Variants in SCN8A observed in about 807,000 individuals in gnomAD.
SCN8A encodes sodium channel protein type 8 subunit alpha.
A neutral mutation model predicts 184.1 loss-of-function variants in SCN8A; 30 were observed. That is an observed-to-expected ratio of 0.16 (90% CI 0.12 to 0.22). The LOEUF is 0.22. Ranked by LOEUF, SCN8A falls within the 10% of genes least tolerant of loss-of-function variation. The pLI, the probability that SCN8A is intolerant of heterozygous loss-of-function variation, is 1.00. For missense variants in SCN8A, 1,057 were observed against 2,498.9 expected (o/e 0.42, Z 12.30); for synonymous variants, 852 against 907.0 (o/e 0.94, Z 1.09).
chr12:51,767,873 A>G (rs1299854179), intron 16 of SCN8A, among the ~76,000 whole-genome samples: 2 of 152,158 alleles, frequency 1.3e-5, no homozygotes, highest in African/African-American at 4.8e-5. Flanking sequence ...CTCTGTCATC[A>G]TCTGTGACTC....
intron 13 of SCN8A, among the ~76,000 whole-genome samples, chr12:51,749,170 T>G (rs558103002): frequency 3.7e-4 from 57 of 152,338 alleles, no homozygotes; most frequent in Non-Finnish European, 7.1e-4. Context: ...TGATCTTTTC[T>G]AGCTCCTGAA....
chr12:51,759,249 A>G (rs1193944580), intron 14 of SCN8A, among the ~76,000 whole-genome samples: 7 of 151,716 alleles, frequency 4.6e-5, no homozygotes, highest in South Asian at 2.1e-4. Context: ...AAATATATAT[A>G]TAAGGCCTAG....
At chr12:51,602,237 G>A (rs1158640898) in intron 1 of SCN8A, among the ~76,000 whole-genome samples, 1 of 152,098 alleles carries the variant, frequency 6.6e-6, no homozygotes, top group African/African-American at 2.4e-5. Context: ...GAATTACCCT[G>A]ATCTGATCAC....
At chr12:51,630,115 A>G (rs112047089) in intron 1 of SCN8A, among the ~76,000 whole-genome samples, 4 of 152,312 alleles carry the variant, frequency 2.6e-5, no homozygotes, top group East Asian at 1.9e-4. Context: ...TAAAATATAC[A>G]TAATATAAAA....
At chr12:51,779,365 T>C (rs1373099345) in intron 20 of SCN8A, among the ~76,000 whole-genome samples, 1 of 152,170 alleles carries the variant, frequency 6.6e-6, no homozygotes, top group Non-Finnish European at 1.5e-5. Context: ...TAGCATGGTG[T>C]TGAGAAAGCA....
intron 24 of SCN8A, 89 bp from the exon 25 acceptor site, chr12:51,790,309 C>T (rs1209824483): frequency 4.8e-6 from 4 of 825,846 alleles, no homozygotes; most frequent in Non-Finnish European, 7.6e-6. Context: ...ATAGGTCTCC[C>T]CTCAGTTCTC....
chr12:51,641,521 T>C (rs530805365), intron 1 of SCN8A, among the ~76,000 whole-genome samples: 125 of 152,264 alleles, frequency 8.2e-4, no homozygotes, highest in Non-Finnish European at 1.6e-3. Context: ...AGCAAGTTAC[T>C]TAACCTTTGT....
chr12:51,698,858 T>G (rs1423130972), intron 6 of SCN8A, among the ~76,000 whole-genome samples: 1 of 152,214 alleles, frequency 6.6e-6, no homozygotes, highest in Non-Finnish European at 1.5e-5. Context: ...GGGAAAATAT[T>G]ATTGTACCTT....
intron 2 of SCN8A, among the ~76,000 whole-genome samples, chr12:51,668,998 A>G (rs537460327): frequency 1.2e-4 from 19 of 152,308 alleles, no homozygotes; most frequent in African/African-American, 3.6e-4. Flanking sequence ...GGTATAGCCT[A>G]TTGCTCCCAG....
chr12:51,603,742 T>C (rs1038032981), intron 1 of SCN8A, among the ~76,000 whole-genome samples: 2 of 152,160 alleles, frequency 1.3e-5, no homozygotes, highest in Non-Finnish European at 2.9e-5. Context: ...TTTTTTTTTT[T>C]TTATCTTAGC....
chr12:51,740,107 C>T (rs1047367441), intron 12 of SCN8A, among the ~76,000 whole-genome samples: 3 of 152,218 alleles, frequency 2.0e-5, no homozygotes, highest in Admixed American at 2.0e-4. Flanking sequence ...AGTGGTTTTC[C>T]ACCCTGGGCG....
chr12:51,735,997 CT>C (rs1942319848), intron 12 of SCN8A, among the ~76,000 whole-genome samples: 1 of 152,210 alleles, frequency 6.6e-6, no homozygotes, highest in Non-Finnish European at 1.5e-5. Context: ...AGCATCTGGC[CT>C]TTGGGCAGGC....
intron 10 of SCN8A, among the ~76,000 whole-genome samples, chr12:51,705,978 T>C (rs1317112971): frequency 1.3e-5 from 2 of 152,214 alleles, no homozygotes; most frequent in East Asian, 3.8e-4. Flanking sequence ...AAAAGTATTA[T>C]TTCTAATTAA....
In SCN8A at chr12:51,615,771, G is replaced by A. The variant is rs554902373; in HGVS notation, c.-55+24412G>A. Among the ~76,000 whole-genome samples the A allele has an allele frequency of 8.5e-5, 13 of 152,230 alleles. No homozygotes were observed. In the South Asian group the frequency reaches 2.7e-3, roughly 32 times the overall value. ...CTTACTCTGTCACCCAGGCTGGAGT[G>A]CAGTGGTACAATCGTAGCTCACTGC... On this transcript the variant is annotated intron_variant, in intron 1 of 26. Transcript: ENST00000627620.
At chr12:51,669,960 A>G (rs1203861772) in intron 2 of SCN8A, among the ~76,000 whole-genome samples, 1 of 152,262 alleles carries the variant, frequency 6.6e-6, no homozygotes, top group Admixed American at 6.5e-5. Context: ...CTTTTGCACA[A>G]TAAGCCTAAA....
chr12:51,626,184 T>C (rs1369292151), intron 1 of SCN8A, among the ~76,000 whole-genome samples: 1 of 152,128 alleles, frequency 6.6e-6, no homozygotes, highest in Non-Finnish European at 1.5e-5. Flanking sequence ...CAGTGGGCTT[T>C]AGGGCTGTCC....
chr12:51,785,444 C>A (rs1565925292), intron 21 of SCN8A, among the ~76,000 whole-genome samples: 4 of 152,152 alleles, frequency 2.6e-5, no homozygotes, highest in Admixed American at 1.3e-4. Flanking sequence ...GGAAGAGTGA[C>A]TCCTTAGCAG....
At chr12:51,757,033 T>C (rs541676801) in intron 14 of SCN8A, among the ~76,000 whole-genome samples, 1 of 152,374 alleles carries the variant, frequency 6.6e-6, no homozygotes, top group East Asian at 1.9e-4. Context: ...TGTGCTTCTA[T>C]AGCCCCATAT....
chr12:51,640,271 C>T (rs1343380346), intron 1 of SCN8A, among the ~76,000 whole-genome samples: 1 of 112,342 alleles, frequency 8.9e-6, no homozygotes, highest in Admixed American at 1.3e-4. Flanking sequence ...TGCTTTCCTA[C>T]ACTTAATAGA....
Sources: allele counts gnomAD v4.1 joint callset (sites outside exome capture counted in the v4.1 genomes callset), GRCh38; gene constraint gnomAD v4.1.1; transcripts MANE v1.5; gene names NCBI Gene and HGNC (gene_info 2026-07-23, HGNC 2026-07-21).